RASSF2: variants seen among roughly 807,000 people sequenced by gnomAD.
RASSF2 encodes the protein Ras association domain family member 2.
RASSF2 carries 34 observed loss-of-function variants against 46.3 expected under a neutral mutation model. That is an observed-to-expected ratio of 0.73 (90% CI 0.56 to 0.98). The LOEUF (loss-of-function observed/expected upper bound fraction) is 0.98. Ranked by LOEUF, RASSF2 falls within the 50% of genes least tolerant of loss-of-function variation. RASSF2 has a pLI of 0.00. For synonymous variants in RASSF2, 158 were observed against 162.5 expected, an observed-to-expected ratio of 0.97 and a Z score of 0.21; for missense variants, 364 against 431.2, an observed-to-expected ratio of 0.84 and a Z score of 1.38.
In RASSF2 at chr20:4,782,653, C is replaced by G. The variant is rs6116508; in HGVS notation, c.*1620G>C. ...TTCTCAAGAAGCCATAGGTATGAATCGGGGGCAGGAGGGTGCCCAGGGCAG... is the reference window on the plus strand; with the variant it reads ...TTCTCAAGAAGCCATAGGTATGAATGGGGGGCAGGAGGGTGCCCAGGGCAG... On this transcript the variant is annotated 3_prime_UTR_variant, in exon 12 of 12. Transcript: ENST00000379400. The G allele has an allele frequency of 0.1, 15,413 of 152,358 alleles. 810 individuals are homozygous for G. The highest frequency in any genetic ancestry group is 0.19 in the East Asian group (979 of 5,178). 9.4% of individuals were successfully genotyped at this position (152,358 alleles called of 1,614,324 possible). A position where few individuals can be genotyped will look rare whatever the true frequency, so the allele number is the denominator to read the frequency against.
intron 2 of RASSF2, among the ~76,000 whole-genome samples, chr20:4,815,817 G>A (rs1364935293): frequency 1.3e-5 from 2 of 152,196 alleles, no homozygotes; most frequent in Admixed American, 6.5e-5. Context: ...GGTGCTGCAC[G>A]TCTGCACCCT....
At chr20:4,786,056 A>T (rs1187164112) in intron 11 of RASSF2, among the ~76,000 whole-genome samples, 175 bp downstream of exon 11, 1 of 152,144 alleles carries the variant, frequency 6.6e-6, no homozygotes, top group Non-Finnish European at 1.5e-5. Context: ...AGATGAACAC[A>T]CTTAACTGTC....
At chr20:4,811,289 T>C (rs537581967) in intron 2 of RASSF2, among the ~76,000 whole-genome samples, 4 of 152,182 alleles carry the variant, frequency 2.6e-5, no homozygotes, top group Non-Finnish European at 5.9e-5. Flanking sequence ...AGTTCGAGGT[T>C]GCAGTGCGCT....
At chr20:4,819,893 G>T (rs1335459885) in intron 2 of RASSF2, among the ~76,000 whole-genome samples, 2 of 152,234 alleles carry the variant, frequency 1.3e-5, no homozygotes. Context: ...AGGAATGGAT[G>T]AGAGGGTCCC....
rs1469019296 is a variant in RASSF2, at chr20:4,780,714, C to T, written c.*3559G>A. ...GGGCACAGTGGCTCACGCCTGTAAT[C>T]CCAACACTTTGGGAGGCCTAGGCGG... On this transcript the variant is annotated 3_prime_UTR_variant, in exon 12 of 12. Coordinates refer to ENST00000379400, the MANE Select transcript of RASSF2 (RefSeq NM_014737.3). 1 of 152,258 alleles carries T rather than the reference C, an allele frequency of 6.6e-6. No homozygotes were observed. Among genetic ancestry groups the T allele is most frequent in the Non-Finnish European group, 1.5e-5 (1 of 68,108 alleles). 9.4% of individuals were successfully genotyped at this position (152,258 alleles called of 1,614,324 possible).
Position 4,812,948 on chromosome 20 carries a change from A to C in RASSF2, c.-33+9381T>G, listed in dbSNP as rs1927946190. ...AGGTCTGGGGGATGGGAGGCGAGTG[A>C]GTGACCAGCCCAGAGGACAAGCTGT... On this transcript the variant is annotated intron_variant, in intron 2 of 11. Transcript: ENST00000379400. The surrounding 1 kb of genome is among the most constrained non-coding windows in gnomAD (Gnocchi z 4.0). 6.6e-6 allele frequency among the ~76,000 whole-genome samples: 1 copy of C among 152,090 alleles called. No homozygotes were observed. Among genetic ancestry groups the C allele is most frequent in the African/African-American group, 2.4e-5 (1 of 41,416 alleles).
intron 2 of RASSF2, among the ~76,000 whole-genome samples, chr20:4,807,045 A>T (rs1927388367): frequency 6.6e-6 from 1 of 152,238 alleles, no homozygotes; most frequent in Non-Finnish European, 1.5e-5. Context: ...TTCTACAGAA[A>T]AAAATAGCCA....
Position 4,795,674 on chromosome 20 carries a change from T to C in RASSF2, c.287+141A>G, listed in dbSNP as rs6052885. 0.47 allele frequency: 475,151 copies of C among 1,017,244 alleles called. 116,715 individuals carry two copies. Among genetic ancestry groups the C allele is most frequent in the African/African-American group, 0.7 (41,759 of 60,072 alleles). The allele number at this position is 1,017,244 out of a possible 1,614,324, so 63.0% of individuals were successfully genotyped here. On this transcript the variant is annotated intron_variant, in intron 5 of 11. Coordinates refer to ENST00000379400, the MANE Select transcript of RASSF2 (RefSeq NM_014737.3). The surrounding 1 kb of genome is among the most constrained non-coding windows in gnomAD (Gnocchi z 4.0). Reference sequence around the variant, plus strand: ...TGCTGCTTGTTCCTCATTCCAAGGCTAAGGCAGGTGGGCAGTAGAGGTAGT... The same window carrying C: ...TGCTGCTTGTTCCTCATTCCAAGGCCAAGGCAGGTGGGCAGTAGAGGTAGT...
At chr20:4,806,352 C>T (rs554121354) in intron 2 of RASSF2, among the ~76,000 whole-genome samples, 4 of 152,332 alleles carry the variant, frequency 2.6e-5, no homozygotes, top group East Asian at 3.9e-4. Context: ...TGCCTGCTGT[C>T]GGCAGCCCTT....
chr20:4,788,807 T>C (rs578196846), intron 8 of RASSF2, among the ~76,000 whole-genome samples: 1 of 152,250 alleles, frequency 6.6e-6, no homozygotes, highest in Non-Finnish European at 1.5e-5. Context: ...CTAGGATAGA[T>C]AACAGCTATC....
intron 2 of RASSF2, among the ~76,000 whole-genome samples, chr20:4,803,297 A>G (rs904288458): frequency 2.6e-5 from 4 of 152,134 alleles, no homozygotes; most frequent in African/African-American, 4.8e-5. Flanking sequence ...CTCCTGGAAG[A>G]AGGATCCACG....
rs1320747595 is a variant in RASSF2 at position 4,780,500 on chromosome 20, A to G, written c.*3773T>C. 2.0e-5 allele frequency: 3 copies of G among 152,220 alleles called. No individual in the cohort carries two copies. The highest frequency in any genetic ancestry group is 4.8e-5 in the African/African-American group (2 of 41,442). The allele number at this position is 152,220 out of a possible 1,614,324, so 9.4% of individuals were successfully genotyped here. On this transcript the variant is annotated 3_prime_UTR_variant, in exon 12 of 12. Coordinates refer to ENST00000379400, the MANE Select transcript of RASSF2 (RefSeq NM_014737.3). ...CTTATTTTTACATCTCTAGGAAATC[A>G]TATCTCATCTCATCTGAGCGAAGCA...
chr20:4,818,622 C>T (rs148265619), intron 2 of RASSF2, among the ~76,000 whole-genome samples: 2,189 of 152,278 alleles, frequency 0.014, 32 homozygotes, highest in Admixed American at 0.031. Flanking sequence ...CACCACAAAG[C>T]AGGGCTTCCC....
chr20:4,786,841 T>C (rs1274111489), intron 10 of RASSF2, among the ~76,000 whole-genome samples: 1 of 152,080 alleles, frequency 6.6e-6, no homozygotes, highest in Non-Finnish European at 1.5e-5. Flanking sequence ...CCCGGCACTT[T>C]GGGAGGCTGA....
intron 2 of RASSF2, among the ~76,000 whole-genome samples, chr20:4,815,346 C>A (rs1928217882): frequency 6.6e-6 from 1 of 151,844 alleles, no homozygotes; most frequent in Non-Finnish European, 1.5e-5. Context: ...AGCTGTAAGA[C>A]CCTACACGGC....
At chr20:4,810,215 AGCCCTGC>A (rs1927667980) in intron 2 of RASSF2, among the ~76,000 whole-genome samples, 3 of 152,190 alleles carry the variant, frequency 2.0e-5, no homozygotes, top group Non-Finnish European at 2.9e-5. Flanking sequence ...GACCAGCTGA[AGCCCTGC>A]AGCAGTTGCA....
At chr20:4,821,116 C>G (rs1300417958) in intron 2 of RASSF2, among the ~76,000 whole-genome samples, 1 of 152,070 alleles carries the variant, frequency 6.6e-6, no homozygotes, top group African/African-American at 2.4e-5. Flanking sequence ...TCCGGGGCAC[C>G]AGGAAATAGA....
intron 11 of RASSF2, 52 bp from the exon 12 acceptor site, chr20:4,784,394 C>A (rs748851237): frequency 6.4e-7 from 1 of 1,559,992 alleles, no homozygotes; most frequent in Non-Finnish European, 8.8e-7. Flanking sequence ...CACACCCCTG[C>A]CCAGGACCTT....
chr20:4,787,824 G>A (rs1925499514), intron 9 of RASSF2, 70 bp from the exon 10 acceptor site: 1 of 1,526,098 alleles, frequency 6.6e-7, no homozygotes. Context: ...TAATGCAGGG[G>A]TCCAAAGGCA....
Sources: allele counts gnomAD v4.1 joint callset (sites outside exome capture counted in the v4.1 genomes callset), GRCh38; gene constraint gnomAD v4.1.1; non-coding constraint Gnocchi (gnomAD v3.1); transcripts MANE v1.5; gene names NCBI Gene and HGNC (gene_info 2026-07-23, HGNC 2026-07-21).